Variants in CMKLR2 observed in about 807,000 individuals in gnomAD.
The protein encoded by CMKLR2 is chemerin-like receptor 2.
Under a neutral mutation model 23.0 loss-of-function variants are expected in CMKLR2, and 18 were observed. The observed-to-expected ratio is 0.78, with a 90% CI of 0.54 to 1.16. The LOEUF is 1.16. Among genes scored for constraint, CMKLR2 ranks in the 50% most tolerant of loss-of-function variants. CMKLR2 has a pLI of 0.00. For synonymous variants in CMKLR2, 158 were observed against 158.9 expected (o/e 0.99, Z 0.05); for missense variants, 401 against 412.7 (o/e 0.97, Z 0.25).
At chr2:206,193,619 T>C (rs1008412793) in intron 1 of CMKLR2, among the ~76,000 whole-genome samples, 2 of 152,224 alleles carry the variant, frequency 1.3e-5, no homozygotes, top group African/African-American at 4.8e-5. Flanking sequence ...TAGTGTCTTC[T>C]GGGCAATGTT....
At chr2:206,201,171 C>G (rs1391393811) in intron 1 of CMKLR2, among the ~76,000 whole-genome samples, 1 of 152,136 alleles carries the variant, frequency 6.6e-6, no homozygotes, top group African/African-American at 2.4e-5. Context: ...AGTCTGATCT[C>G]AAACTTCTGA....
chr2:206,204,189 A>G (rs1336594649), intron 1 of CMKLR2, among the ~76,000 whole-genome samples: 7 of 151,828 alleles, frequency 4.6e-5, no homozygotes, highest in Admixed American at 4.6e-4. Context: ...CGTCTTTACT[A>G]AAAATACAAA....
intron 1 of CMKLR2, among the ~76,000 whole-genome samples, chr2:206,179,236 A>G (rs1179692915): frequency 2.7e-5 from 4 of 145,736 alleles, no homozygotes; most frequent in African/African-American, 1.0e-4. Context: ...CACTACGCCC[A>G]GCTAATTTTT....
intron 1 of CMKLR2, among the ~76,000 whole-genome samples, chr2:206,212,068 T>C (rs1369861552): frequency 3.9e-5 from 6 of 152,182 alleles, no homozygotes; most frequent in Non-Finnish European, 8.8e-5. Context: ...CCCTGACACA[T>C]CTATAATCTC....
At chr2:206,196,399 T>A (rs760192752) in intron 1 of CMKLR2, among the ~76,000 whole-genome samples, 10 of 151,542 alleles carry the variant, frequency 6.6e-5, no homozygotes, top group Non-Finnish European at 4.4e-5. Flanking sequence ...TAAAAATAAA[T>A]AAATAAATAA....
intron 1 of CMKLR2, among the ~76,000 whole-genome samples, chr2:206,186,853 G>T: frequency 6.7e-6 from 1 of 148,804 alleles, no homozygotes; most frequent in African/African-American, 2.5e-5. Context: ...AGCAGTGGCA[G>T]AATCATAGCT....
rs1042176393 is a variant in CMKLR2 at position 206,187,587 on chromosome 2, G to A, written c.-28-10312C>T. Among the ~76,000 whole-genome samples, 3 of 152,096 alleles carry A rather than the reference G, an allele frequency of 2.0e-5. No homozygotes were observed. The South Asian group carries it at 6.2e-4, about 32-fold the overall frequency. On this transcript the variant is annotated intron_variant, in intron 1 of 1. Coordinates refer to ENST00000621141, the MANE Select transcript of CMKLR2 (RefSeq NM_001389445.1). Reference sequence around the variant, plus strand: ...ATGTTTCTTTAAATTATTAAAAAGTGGTATTACACTGTATAATCAATCATG... The same window carrying A: ...ATGTTTCTTTAAATTATTAAAAAGTAGTATTACACTGTATAATCAATCATG...
At chr2:206,214,917 A>G (rs1328106050), upstream of CMKLR2, among the ~76,000 whole-genome samples, 2 of 152,136 alleles carry the variant, frequency 1.3e-5, no homozygotes, top group East Asian at 3.9e-4. Context: ...GAGCCACCAC[A>G]CCTGGCCGCT....
intron 1 of CMKLR2, among the ~76,000 whole-genome samples, chr2:206,192,527 TAAAC>T (rs962957128): frequency 6.6e-6 from 1 of 151,794 alleles, no homozygotes; most frequent in African/African-American, 2.4e-5. Context: ...CCCTGTCTCT[TAAAC>T]AACAACAACA....
At chr2:206,189,599 C>T (rs981264303) in intron 1 of CMKLR2, among the ~76,000 whole-genome samples, 1 of 151,074 alleles carries the variant, frequency 6.6e-6, no homozygotes, top group African/African-American at 2.4e-5. Flanking sequence ...GGTGCCACTG[C>T]ACTCCAGCCT....
chr2:206,206,007 G>A (rs532973439), intron 1 of CMKLR2, among the ~76,000 whole-genome samples: 1 of 152,150 alleles, frequency 6.6e-6, no homozygotes, highest in African/African-American at 2.4e-5. Context: ...CCTGTTTGGT[G>A]TATTATAATC....
At position 206,175,620 on chromosome 2, in the gene CMKLR2, C is replaced by T. The variant is rs1043757799; in HGVS notation, c.*560G>A. On this transcript the variant is annotated 3_prime_UTR_variant, in exon 2 of 2. Transcript: ENST00000621141. ...TCAAGTGATTCTCCTGCTTCAGCCT[C>T]CCGAGTAGCTGGGTTTGCAGACATG... is the stretch of plus-strand genomic sequence containing the variant. 2.0e-5 allele frequency: 3 copies of T among 152,250 alleles called. No individual in the cohort carries two copies. Among genetic ancestry groups the T allele is most frequent in the African/African-American group, 7.2e-5 (3 of 41,444 alleles). 9.4% of individuals were successfully genotyped at this position (152,250 alleles called of 1,614,324 possible).
intron 1 of CMKLR2, among the ~76,000 whole-genome samples, chr2:206,210,968 A>T (rs576818825): frequency 1.2e-4 from 18 of 152,280 alleles, no homozygotes; most frequent in African/African-American, 4.3e-4. Context: ...ATTTAACGTC[A>T]ATTCAACTTT....
In CMKLR2 at chr2:206,213,354, C is replaced by T. The variant is rs1689639087; in HGVS notation, c.-76G>A. On this transcript the variant is annotated 5_prime_UTR_variant, in exon 1 of 2. Coordinates refer to ENST00000621141, the MANE Select transcript of CMKLR2 (RefSeq NM_001389445.1). Reference sequence around the variant, plus strand: ...GAAGCTATTGTCATGCCTGGGTGTACCTTCCCGGTTCCAGAATGAAATGGA... The same window carrying T: ...GAAGCTATTGTCATGCCTGGGTGTATCTTCCCGGTTCCAGAATGAAATGGA... 1 of 152,274 alleles carries T rather than the reference C, an allele frequency of 6.6e-6. No homozygotes were observed. Among genetic ancestry groups the T allele is most frequent in the Middle Eastern group, 3.4e-3 (1 of 294 alleles). The allele number at this position is 152,274 out of a possible 1,614,324, so 9.4% of individuals were successfully genotyped here.
Position 206,176,317 on chromosome 2 carries a change from A to C in CMKLR2, c.931T>G (p.Phe311Val). ...ACTGAGGACCGGAAGCGAGCTTGGA[A>C]CTTCTTACTAATTAGGACATAAAGG... ...PILYVLISKK[F>V]QARFRSSVAE... is the part of the protein sequence containing the mutation. Residue 311 changes from phenylalanine (F) to valine (V), a missense_variant, in exon 2 of 2, where the codon TTC (phenylalanine) becomes GTC (valine). Phe to Val is a conservative substitution (Grantham distance 50). Transcript: ENST00000621141. 1.2e-6 allele frequency: 2 copies of C among 1,614,112 alleles called. No individual in the cohort carries two copies. The highest frequency in any genetic ancestry group is 1.7e-6 in the Non-Finnish European group (2 of 1,180,028).
chr2:206,207,459 C>T (rs1689369954), intron 1 of CMKLR2, among the ~76,000 whole-genome samples: 2 of 152,054 alleles, frequency 1.3e-5, no homozygotes, highest in South Asian at 4.1e-4. Context: ...TAATTAAAAC[C>T]AGTTGACCTA....
intron 1 of CMKLR2, among the ~76,000 whole-genome samples, chr2:206,193,239 C>T (rs1688809576): frequency 6.6e-6 from 1 of 152,138 alleles, no homozygotes; most frequent in South Asian, 2.1e-4. Flanking sequence ...GCTAGGATTA[C>T]AGGTATCCGC....
chr2:206,179,366 C>T (rs561431552), intron 1 of CMKLR2, among the ~76,000 whole-genome samples: 1 of 145,510 alleles, frequency 6.9e-6, no homozygotes, highest in East Asian at 2.1e-4. Flanking sequence ...TGAGCCACCG[C>T]ACCCAGCCTT....
chr2:206,199,601 T>G (rs915194385), intron 1 of CMKLR2, among the ~76,000 whole-genome samples: 1 of 151,996 alleles, frequency 6.6e-6, no homozygotes, highest in Non-Finnish European at 1.5e-5. Context: ...GCATTTTTTT[T>G]TTTTTCCCCC....
Sources: allele counts gnomAD v4.1 joint callset (sites outside exome capture counted in the v4.1 genomes callset), GRCh38; gene constraint gnomAD v4.1.1; transcripts MANE v1.5; gene names NCBI Gene and HGNC (gene_info 2026-07-23, HGNC 2026-07-21).